The following ZNF385B variants were observed in gnomAD, a reference collection of about 807,000 sequenced individuals.
The protein encoded by ZNF385B is zinc finger protein 533.
In ZNF385B, 23 loss-of-function variants were observed where a neutral mutation model predicts 39.2. That is an observed-to-expected ratio of 0.59 (90% CI 0.42 to 0.83). The LOEUF (loss-of-function observed/expected upper bound fraction) is 0.83. Ranked by LOEUF, ZNF385B falls within the 40% of genes least tolerant of loss-of-function variation. ZNF385B has a pLI of 0.00. For missense variants in ZNF385B, 552 were observed against 598.9 expected (o/e 0.92, Z 0.82); for synonymous variants, 205 against 222.6 (o/e 0.92, Z 0.70).
At chr2:179,805,602 G>A (rs558917075) in intron 1 of ZNF385B, among the ~76,000 whole-genome samples, 1 of 152,214 alleles carries the variant, frequency 6.6e-6, no homozygotes, top group Non-Finnish European at 1.5e-5. Context: ...GGTTTATGTG[G>A]CAAATTACCT....
At chr2:179,630,212 C>G (rs1380682351) in intron 3 of ZNF385B, among the ~76,000 whole-genome samples, 1 of 152,254 alleles carries the variant, frequency 6.6e-6, no homozygotes, top group Non-Finnish European at 1.5e-5. Flanking sequence ...AATGCCTCCT[C>G]AAATGGGTCC....
chr2:179,838,340 C>A (rs780857860), intron 1 of ZNF385B, among the ~76,000 whole-genome samples: 21 of 152,204 alleles, frequency 1.4e-4, no homozygotes, highest in Non-Finnish European at 2.5e-4. Context: ...GATTACAACG[C>A]TAGTACTTCA....
At chr2:179,764,136 T>C (rs1703556798) in intron 3 of ZNF385B, among the ~76,000 whole-genome samples, 2 of 152,224 alleles carry the variant, frequency 1.3e-5, no homozygotes, top group Non-Finnish European at 2.9e-5. Context: ...GAGGCTCTGT[T>C]GTCTGGTGCA....
chr2:179,650,965 T>C (rs1693142999), intron 3 of ZNF385B, among the ~76,000 whole-genome samples: 1 of 152,166 alleles, frequency 6.6e-6, no homozygotes, highest in Non-Finnish European at 1.5e-5. Context: ...ATAGTTATCA[T>C]TAGCATCAAA....
At chr2:179,619,230 T>G (rs1460543184) in intron 3 of ZNF385B, among the ~76,000 whole-genome samples, 3 of 152,180 alleles carry the variant, frequency 2.0e-5, no homozygotes, top group Admixed American at 2.0e-4. Flanking sequence ...CTGTGAATAC[T>G]GAAAACACAG....
chr2:179,675,415 A>G (rs1696614083), intron 3 of ZNF385B, among the ~76,000 whole-genome samples: 1 of 152,228 alleles, frequency 6.6e-6, no homozygotes. Context: ...TCAAGGGTCA[A>G]CTGTATTTGC....
chr2:179,483,448 CA>C lies in ZNF385B; in HGVS notation c.553-15del. On this transcript the variant is annotated splice_polypyrimidine_tract_variant and intron_variant, in intron 5 of 9. Transcript: ENST00000410066. The stretch of plus-strand genomic sequence containing the variant: ...CTCGGCCTGGCTCTACAAAGGAGAA[CA>C]AATCAGGCTCATTTTTTTGCTAATT... 6.2e-7 allele frequency: 1 copy of C among 1,613,406 alleles called. No individual in the cohort carries two copies. The highest frequency in any genetic ancestry group is 1.1e-5 in the South Asian group (1 of 91,056).
intron 3 of ZNF385B, among the ~76,000 whole-genome samples, chr2:179,561,274 G>T (rs1438211826): frequency 1.3e-5 from 2 of 152,112 alleles, no homozygotes; most frequent in Non-Finnish European, 2.9e-5. Context: ...CAAAGGCCAT[G>T]ATGAATACAG....
At chr2:179,700,589 T>C (rs965522347) in intron 3 of ZNF385B, among the ~76,000 whole-genome samples, 1 of 152,198 alleles carries the variant, frequency 6.6e-6, no homozygotes, top group African/African-American at 2.4e-5. Flanking sequence ...TAGAGTGCTA[T>C]AGCAAAGAAA....
intron 5 of ZNF385B, among the ~76,000 whole-genome samples, chr2:179,494,240 A>C (rs2055905899): frequency 6.6e-6 from 1 of 152,080 alleles, no homozygotes; most frequent in Admixed American, 6.6e-5. Context: ...ATCCATTGTA[A>C]GGATTTTGAT....
intron 1 of ZNF385B, among the ~76,000 whole-genome samples, chr2:179,811,284 T>C (rs1430118431): frequency 2.0e-5 from 3 of 152,164 alleles, no homozygotes; most frequent in African/African-American, 2.4e-5. Flanking sequence ...AGCATCATTT[T>C]TCACAGAACT....
intron 4 of ZNF385B, among the ~76,000 whole-genome samples, chr2:179,528,099 C>T (rs1430935169): frequency 6.6e-6 from 1 of 152,150 alleles, no homozygotes; most frequent in Admixed American, 6.6e-5. Context: ...AAAAAACACT[C>T]TTCCATGATT....
At chr2:179,826,988 T>C (rs1489455807) in intron 1 of ZNF385B, among the ~76,000 whole-genome samples, 1 of 152,122 alleles carries the variant, frequency 6.6e-6, no homozygotes, top group Non-Finnish European at 1.5e-5. Flanking sequence ...CACCCTACAC[T>C]GAGTCTTAAA....
At chr2:179,574,810 G>C (rs7592221) in intron 3 of ZNF385B, among the ~76,000 whole-genome samples, 5 of 151,980 alleles carry the variant, frequency 3.3e-5, no homozygotes, top group African/African-American at 1.2e-4. Context: ...GGGATGTTAG[G>C]GGGGAAGGGC....
At chr2:179,559,659 A>G (rs559747675) in intron 3 of ZNF385B, among the ~76,000 whole-genome samples, 3 of 152,170 alleles carry the variant, frequency 2.0e-5, no homozygotes, top group African/African-American at 7.2e-5. Flanking sequence ...TTAATATCAT[A>G]TAAAATTTAT....
At chr2:179,567,569 C>A (rs1210374898) in intron 3 of ZNF385B, among the ~76,000 whole-genome samples, 1 of 152,164 alleles carries the variant, frequency 6.6e-6, no homozygotes, top group Non-Finnish European at 1.5e-5. Flanking sequence ...ATCCACAGGG[C>A]AGGAAGCTTT....
At chr2:179,445,806 T>C in intron 7 of ZNF385B, 78 bp from the exon 8 acceptor site, 2 of 1,342,044 alleles carry the variant, frequency 1.5e-6, no homozygotes, top group Non-Finnish European at 2.0e-6. Flanking sequence ...CCTTGAGAAG[T>C]TTACCTGCAG....
At chr2:179,696,325 A>AGTTTTTTT (rs1333224792) in intron 3 of ZNF385B, among the ~76,000 whole-genome samples, 1 of 9,838 alleles carries the variant, frequency 1.0e-4, no homozygotes, top group African/African-American at 2.4e-4. Context: ...ACAAACTGGG[A>AGTTTTTTT]CTTTTTTTTT....
At chr2:179,699,020 T>C (rs1012382571) in intron 3 of ZNF385B, among the ~76,000 whole-genome samples, 4 of 152,098 alleles carry the variant, frequency 2.6e-5, no homozygotes, top group African/African-American at 9.7e-5. Flanking sequence ...CATATTCATA[T>C]TGGATTTAAA....
Sources: gnomAD v4.1 joint callset for allele counts (sites outside exome capture counted in the v4.1 genomes callset) on GRCh38, gnomAD v4.1.1 for gene constraint, MANE v1.5 for transcripts, NCBI Gene and HGNC (gene_info 2026-07-23, HGNC 2026-07-21) for gene names.